The following ATP11C variants were observed in gnomAD, a reference collection of about 807,000 sequenced individuals.
ATP11C encodes the protein phospholipid-transporting ATPase IG.
In ATP11C, 36 loss-of-function variants were observed where a neutral mutation model predicts 97.4. The ratio of observed to expected loss-of-function variants is 0.37; its 90% CI spans 0.28 to 0.49. ATP11C has a LOEUF of 0.49. Ranked by LOEUF, ATP11C falls within the 20% of genes least tolerant of loss-of-function variation. ATP11C has a pLI of 0.98. For missense variants in ATP11C, 730 were observed against 824.6 expected, an observed-to-expected ratio of 0.89 and a Z score of 1.40; for synonymous variants, 275 against 290.9, an observed-to-expected ratio of 0.95 and a Z score of 0.56.
At chrX:139,929,384 T>C (rs1223779958) in intron 1 of ATP11C, among the ~76,000 whole-genome samples, 2 of 112,073 alleles carry the variant, frequency 1.8e-5, no homozygotes, top group African/African-American at 3.2e-5. Context: ...TTTAAAAAAA[T>C]ACAATGAATC....
At chrX:139,806,631 A>G (rs1244446654) in intron 5 of ATP11C, among the ~76,000 whole-genome samples, 1 of 111,513 alleles carries the variant, frequency 9.0e-6, no homozygotes. Flanking sequence ...CAGAATCTCT[A>G]CAAGCCTGAG....
At chrX:139,928,276 G>A (rs2085383487) in intron 1 of ATP11C, among the ~76,000 whole-genome samples, 1 of 111,739 alleles carries the variant, frequency 8.9e-6, no homozygotes, top group Admixed American at 9.5e-5. Flanking sequence ...TGGGAGCCGA[G>A]ATACACAGAC....
intron 1 of ATP11C, among the ~76,000 whole-genome samples, chrX:139,881,374 G>T (rs896619783): frequency 9.0e-6 from 1 of 111,233 alleles, no homozygotes; most frequent in Non-Finnish European, 1.9e-5. Flanking sequence ...TAAGGAGTAT[G>T]GGCTGTATCT....
intron 1 of ATP11C, among the ~76,000 whole-genome samples, chrX:139,929,440 G>A (rs2085400511): frequency 1.8e-5 from 2 of 111,606 alleles, no homozygotes; most frequent in South Asian, 7.4e-4. Context: ...AAAATAAATG[G>A]CATTTCAAAA....
chrX:139,884,575 G>A (rs1474689588), intron 1 of ATP11C, among the ~76,000 whole-genome samples: 1 of 111,507 alleles, frequency 9.0e-6, no homozygotes, highest in Non-Finnish European at 1.9e-5. Context: ...CTCCCTCCTG[G>A]GCCTCTCAAA....
chrX:139,779,413 A>T (rs1464269721), intron 18 of ATP11C, among the ~76,000 whole-genome samples: 1 of 112,250 alleles, frequency 8.9e-6, no homozygotes, highest in East Asian at 2.8e-4. Flanking sequence ...ATAAAATTAG[A>T]AATCAATACC....
intron 1 of ATP11C, among the ~76,000 whole-genome samples, chrX:139,903,972 C>T (rs936287096): frequency 9.0e-6 from 1 of 111,333 alleles, no homozygotes; most frequent in Non-Finnish European, 1.9e-5. Context: ...TGGGGTAGTA[C>T]GTCTGAATCA....
intron 1 of ATP11C, among the ~76,000 whole-genome samples, chrX:139,874,045 G>T (rs999771787): frequency 1.2e-4 from 11 of 94,655 alleles, no homozygotes; most frequent in Admixed American, 8.3e-4. Flanking sequence ...AAACAACCAG[G>T]TTTTTTTTTT....
At chrX:139,856,315 C>T (rs1001587244) in intron 1 of ATP11C, among the ~76,000 whole-genome samples, 19 of 112,980 alleles carry the variant, frequency 1.7e-4, no homozygotes, top group African/African-American at 5.5e-4. Context: ...ATCCAGCTTC[C>T]GTCTCCCAAC....
chrX:139,921,758 C>T (rs765122644), intron 1 of ATP11C, among the ~76,000 whole-genome samples: 30 of 111,527 alleles, frequency 2.7e-4, no homozygotes, highest in African/African-American at 9.8e-4. Context: ...GAACTGCCAT[C>T]CTGTCTCCCA....
intron 1 of ATP11C, among the ~76,000 whole-genome samples, chrX:139,897,241 T>A (rs1603413927): frequency 9.0e-6 from 1 of 110,869 alleles, no homozygotes; most frequent in South Asian, 3.9e-4. Context: ...TAAGGGAAAC[T>A]GGGTATGGGG....
intron 18 of ATP11C, among the ~76,000 whole-genome samples, chrX:139,775,964 T>A (rs1412026604): frequency 1.8e-5 from 2 of 112,349 alleles, no homozygotes; most frequent in Admixed American, 1.9e-4. Context: ...GATCAGTGAG[T>A]CCCCAGGGAG....
intron 1 of ATP11C, among the ~76,000 whole-genome samples, chrX:139,849,084 T>C (rs2147947723): frequency 9.0e-6 from 1 of 111,676 alleles, no homozygotes; most frequent in East Asian, 2.8e-4. Flanking sequence ...ACCTTGCTCC[T>C]ACATCCCTTA....
chrX:139,737,587 G>T, intron 28 of ATP11C: 1 of 177,045 alleles, frequency 5.6e-6, no homozygotes, highest in Non-Finnish European at 1.1e-5. Context: ...CGAAAATGTT[G>T]GTGTGGAAAT....
At chrX:139,862,680 A>G (rs753997146) in intron 1 of ATP11C, among the ~76,000 whole-genome samples, 13 of 111,721 alleles carry the variant, frequency 1.2e-4, no homozygotes, top group Non-Finnish European at 1.5e-4. Flanking sequence ...AGGAGAAAAT[A>G]GAGGCAGAGA....
intron 17 of ATP11C, 124 bp from the exon 18 acceptor site, chrX:139,782,852 G>C: frequency 4.2e-6 from 2 of 481,302 alleles, no homozygotes; most frequent in Non-Finnish European, 6.5e-6. Context: ...TATTTAGTCT[G>C]AAAAAATGAA....
intron 1 of ATP11C, among the ~76,000 whole-genome samples, chrX:139,923,652 C>T (rs1337410165): frequency 8.9e-6 from 1 of 112,053 alleles, no homozygotes; most frequent in South Asian, 3.7e-4. Flanking sequence ...AGAACGTCCC[C>T]ACTGCTTACA....
chrX:139,903,605 TAA>T (rs1273095029), intron 1 of ATP11C, among the ~76,000 whole-genome samples: 1 of 100,604 alleles, frequency 9.9e-6, no homozygotes. Flanking sequence ...CGGTAAGCAT[TAA>T]AAAAAAAAAA....
intron 19 of ATP11C, among the ~76,000 whole-genome samples, chrX:139,770,051 A>G (rs2082223598): frequency 8.9e-6 from 1 of 112,224 alleles, no homozygotes; most frequent in Non-Finnish European, 1.9e-5. Context: ...GACATAAATG[A>G]TGTGTTCTCT....
Sources: gnomAD v4.1 joint callset for allele counts (sites outside exome capture counted in the v4.1 genomes callset) on GRCh38, gnomAD v4.1.1 for gene constraint, MANE v1.5 for transcripts, NCBI Gene and HGNC (gene_info 2026-07-23, HGNC 2026-07-21) for gene names.